Variants in RNF43 observed in about 807,000 individuals in gnomAD.
The protein encoded by RNF43 is E3 ubiquitin-protein ligase RNF43.
Under a neutral mutation model 78.4 loss-of-function variants are expected in RNF43, and 37 were observed. The observed-to-expected ratio is 0.47, with a 90% CI of 0.36 to 0.62. The LOEUF (loss-of-function observed/expected upper bound fraction) is 0.62. Ranked by LOEUF, RNF43 falls within the 20% of genes least tolerant of loss-of-function variation. The pLI is 0.00. For synonymous variants in RNF43, 347 were observed against 395.0 expected (o/e 0.88, Z 1.44); for missense variants, 774 against 1,007.9 (o/e 0.77, Z 3.14).
chr17:58,407,244 A>G (rs1973931134), intron 2 of RNF43, among the ~76,000 whole-genome samples: 1 of 151,830 alleles, frequency 6.6e-6, no homozygotes, highest in African/African-American at 2.4e-5. Context: ...ACACCCAGCT[A>G]ATTTTTAAAT....
chr17:58,379,186 C>T (rs933509168), intron 2 of RNF43, among the ~76,000 whole-genome samples: 1 of 152,098 alleles, frequency 6.6e-6, no homozygotes, highest in African/African-American at 2.4e-5. Context: ...TAGGTGAGTA[C>T]TGTAATATAA....
intron 2 of RNF43, among the ~76,000 whole-genome samples, chr17:58,389,166 G>A (rs1291104383): frequency 1.3e-5 from 2 of 152,160 alleles, no homozygotes; most frequent in Admixed American, 1.3e-4. Context: ...ATCTAGTACT[G>A]CACGATCAGA....
chr17:58,362,471 C>A, intron 6 of RNF43, 73 bp downstream of exon 6: 1 of 1,091,792 alleles, frequency 9.2e-7, no homozygotes, highest in South Asian at 1.5e-5. Context: ...TTCACGTACT[C>A]CTTCCTTCTC....
At chr17:58,403,777 C>T (rs912044790) in intron 2 of RNF43, among the ~76,000 whole-genome samples, 1 of 152,192 alleles carries the variant, frequency 6.6e-6, no homozygotes, top group African/African-American at 2.4e-5. Context: ...TGAACACCCA[C>T]CAGCTGCTCT....
In RNF43 at chr17:58,415,499, G is replaced by A. The variant is rs138226300; in HGVS notation, c.79C>T (p.Arg27Cys). The A allele has an allele frequency of 2.5e-5, 40 of 1,613,094 alleles. No individual in the cohort carries two copies. In the East Asian group the frequency reaches 3.3e-4, roughly 13 times the overall value. Residue 27 changes from arginine (R) to cysteine (C), a missense_variant, in exon 2 of 10, where the codon CGC (arginine) becomes TGC (cysteine). By Grantham distance (180) the Arg-to-Cys change is radical (BLOSUM62 -3). Coordinates refer to ENST00000407977, the MANE Select transcript of RNF43 (RefSeq NM_017763.6). The stretch of plus-strand genomic sequence containing the variant: ...GCTGCTGCCAGTACCAGTCCTGTGC[G>A]TCCAAAGCCTGCCTGCAGGGTAGCC... ...LMATLQAGFG[R>C]TGLVLAAAVE... is the part of the protein sequence containing the mutation.
At chr17:58,363,074 G>T in intron 5 of RNF43, 1 of 630,144 alleles carries the variant, frequency 1.6e-6, no homozygotes, top group Non-Finnish European at 2.8e-6. Flanking sequence ...GAACTCATCT[G>T]TCCTGATCTG....
At chr17:58,371,355 C>T (rs192087287) in intron 2 of RNF43, among the ~76,000 whole-genome samples, 5 of 152,370 alleles carry the variant, frequency 3.3e-5, no homozygotes, top group African/African-American at 1.2e-4. Context: ...ACTGGCCAGA[C>T]GCAGAGGGCT....
intron 3 of RNF43, among the ~76,000 whole-genome samples, chr17:58,368,898 A>C (rs1261307494): frequency 6.6e-6 from 1 of 152,216 alleles, no homozygotes; most frequent in Admixed American, 6.5e-5. Context: ...GGTAGCTCAA[A>C]GACTCATAGG....
At chr17:58,395,626 CAGGTGTT>C (rs1973664255) in intron 2 of RNF43, among the ~76,000 whole-genome samples, 1 of 152,092 alleles carries the variant, frequency 6.6e-6, no homozygotes, top group Non-Finnish European at 1.5e-5. Context: ...CTATAAAGAT[CAGGTGTT>C]AAACTAAATA....
chr17:58,405,654 GGGTGACAGAGAGA>G (rs1261876842), intron 2 of RNF43, among the ~76,000 whole-genome samples: 4 of 150,844 alleles, frequency 2.7e-5, no homozygotes, highest in Admixed American at 1.3e-4. Flanking sequence ...ACTCCAGCCT[GGGTGACAGAGAGA>G]GGTGACAGAG....
At chr17:58,392,949 G>T (rs2526368) in intron 2 of RNF43, among the ~76,000 whole-genome samples, 128,800 of 152,250 alleles carry the variant, frequency 0.85, 54,806 homozygotes, top group East Asian at 1. Context: ...GACATTACAG[G>T]TGACCCTTAA....
chr17:58,373,845 A>C (rs1024023020), intron 2 of RNF43, among the ~76,000 whole-genome samples: 1 of 152,184 alleles, frequency 6.6e-6, no homozygotes, highest in Non-Finnish European at 1.5e-5. Flanking sequence ...AAAGAAGAGA[A>C]GCTTGAGGCT....
chr17:58,365,350 A>G (rs1434438318), intron 3 of RNF43, among the ~76,000 whole-genome samples: 1 of 152,220 alleles, frequency 6.6e-6, no homozygotes. Context: ...CCCAGGCCTC[A>G]GTTTTCACAC....
At chr17:58,408,909 A>T (rs1973968692) in intron 2 of RNF43, among the ~76,000 whole-genome samples, 1 of 152,144 alleles carries the variant, frequency 6.6e-6, no homozygotes, top group Admixed American at 6.5e-5. Context: ...GGAGACAAAA[A>T]TCCTTGCTTT....
At chr17:58,356,174 C>G (rs1210962679) in intron 9 of RNF43, among the ~76,000 whole-genome samples, 1 of 152,150 alleles carries the variant, frequency 6.6e-6, no homozygotes, top group Non-Finnish European at 1.5e-5. Flanking sequence ...AGTTCCATGT[C>G]TTCAGAGCCT....
At chr17:58,379,287 C>CT (rs1360931218) in intron 2 of RNF43, among the ~76,000 whole-genome samples, 1 of 152,186 alleles carries the variant, frequency 6.6e-6, no homozygotes, top group Admixed American at 6.5e-5. Flanking sequence ...CAGGATCTGT[C>CT]TGCTCCTTGT....
intron 2 of RNF43, among the ~76,000 whole-genome samples, chr17:58,408,247 TAG>T (rs886533943): frequency 2.6e-5 from 4 of 152,218 alleles, no homozygotes; most frequent in African/African-American, 9.6e-5. Flanking sequence ...AGATATGTCT[TAG>T]AGAGTCAACT....
At chr17:58,372,488 T>A (rs370129765) in intron 2 of RNF43, among the ~76,000 whole-genome samples, 2 of 152,188 alleles carry the variant, frequency 1.3e-5, no homozygotes, top group African/African-American at 4.8e-5. Flanking sequence ...AGTGAAGCTG[T>A]AGCCCCTGTC....
chr17:58,390,625 A>T (rs1201977725), intron 2 of RNF43, among the ~76,000 whole-genome samples: 1 of 152,210 alleles, frequency 6.6e-6, no homozygotes, highest in Non-Finnish European at 1.5e-5. Flanking sequence ...TGAAATTAAG[A>T]TGCTTACAAT....
Sources: gnomAD v4.1 joint callset for allele counts (sites outside exome capture counted in the v4.1 genomes callset) on GRCh38, gnomAD v4.1.1 for gene constraint, MANE v1.5 for transcripts, NCBI Gene and HGNC (gene_info 2026-07-23, HGNC 2026-07-21) for gene names.